RAD17: variants seen among roughly 807,000 people sequenced by gnomAD.
RAD17 encodes cell cycle checkpoint protein RAD17.
RAD17 carries 31 observed loss-of-function variants against 81.5 expected under a neutral mutation model. That is an observed-to-expected ratio of 0.38 (90% CI 0.29 to 0.51). The LOEUF (loss-of-function observed/expected upper bound fraction) is 0.51. Among genes scored for constraint, RAD17 ranks in the 20% least tolerant of loss-of-function variants. The probability of loss-of-function intolerance (pLI) is 0.88; values close to 1 mark genes in which losing one functional copy is unlikely to be tolerated. For missense variants in RAD17, 681 were observed against 781.2 expected (o/e 0.87, Z 1.53); for synonymous variants, 261 against 266.2 (o/e 0.98, Z 0.19).
chr5:69,375,248 A>T (rs1022080144), intron 6 of RAD17, among the ~76,000 whole-genome samples: 52 of 152,210 alleles, frequency 3.4e-4, no homozygotes, highest in African/African-American at 1.2e-3. Context: ...TCTTATTGTT[A>T]GCATAAAGAA....
At position 69,371,085 on chromosome 5, in the gene RAD17, C is replaced by T. The variant is rs11542278; in HGVS notation, c.-366C>T. The T allele has an allele frequency of 0.029, 12,374 of 426,302 alleles. 238 individuals carry two copies. The highest frequency in any genetic ancestry group is 0.035 in the Admixed American group (1,216 of 34,640). The allele number at this position is 426,302 out of a possible 1,614,324, so 26.4% of individuals were successfully genotyped here. A position where few individuals can be genotyped will look rare whatever the true frequency, so the allele number is the denominator to read the frequency against. On this transcript the variant is annotated 5_prime_UTR_variant, in exon 2 of 19. Transcript: ENST00000354868. ...TTTTGGGAAATACTGGAAATGAAGA[C>T]CTGCAACTGTAATTTGAAATAAGGA...
intron 7 of RAD17, among the ~76,000 whole-genome samples, chr5:69,383,766 C>T (rs10036674): frequency 0.5 from 75,389 of 151,894 alleles, 18,758 homozygotes; most frequent in South Asian, 0.54. Flanking sequence ...TTCTCACGAC[C>T]CAACCTCTGG....
chr5:69,402,072 A>ATTTTTTTT, intron 17 of RAD17, among the ~76,000 whole-genome samples: 1 of 131,528 alleles, frequency 7.6e-6, no homozygotes. Context: ...TTTGAGATGG[A>ATTTTTTTT]GTTTCACTCT....
rs868390145 is a variant in RAD17 at position 69,371,448 on chromosome 5, C to T, written c.-279-6C>T. 15 of 461,780 alleles carry T rather than the reference C, an allele frequency of 3.2e-5. No individual in the cohort carries two copies. Among genetic ancestry groups the T allele is most frequent in the Non-Finnish European group, 4.3e-5 (12 of 278,352 alleles). The allele number at this position is 461,780 out of a possible 1,614,324, so 28.6% of individuals were successfully genotyped here. ...TTTGAGGGCTTCTTCCCCCCCCCCC[C>T]CCCAGGTGAATTATAGTTTAATGTA... On this transcript the variant is annotated splice_polypyrimidine_tract_variant and splice_region_variant and intron_variant, in intron 2 of 18. Coordinates refer to ENST00000354868, the MANE Select transcript of RAD17 (RefSeq NM_133338.3).
chr5:69,414,158 C>T lies in RAD17; in HGVS notation c.1879C>T (p.Pro627Ser). 6.2e-7 allele frequency: 1 copy of T among 1,614,226 alleles called. No individual in the cohort carries two copies. The highest frequency in any genetic ancestry group is 8.5e-7 in the Non-Finnish European group (1 of 1,180,048). The change falls in exon 19 of 19, where the codon CCG (proline) becomes TCG (serine). Residue 627 changes from proline (P) to serine (S), a missense_variant. Pro to Ser is a moderately conservative substitution (Grantham distance 74). Coordinates refer to ENST00000354868, the MANE Select transcript of RAD17 (RefSeq NM_133338.3). The part of the protein sequence containing the change: ...SLGEPTQATV[P>S]ETWSLPLSQN... The stretch of plus-strand genomic sequence containing the variant: ...GGGTGAACCCACTCAAGCCACTGTG[C>T]CGGAAACCTGGTCTCTTCCTTTGAG...
chr5:69,372,175 A>T lies in RAD17; in HGVS notation c.-34A>T. The T allele has an allele frequency of 6.2e-7, 1 of 1,607,094 alleles. No individual in the cohort carries two copies. Among genetic ancestry groups the T allele is most frequent in the Admixed American group, 1.7e-5 (1 of 59,594 alleles). On this transcript the variant is annotated 5_prime_UTR_variant, in exon 4 of 19. Transcript: ENST00000354868. The stretch of plus-strand genomic sequence containing the variant: ...AATATAGAGGAAAGGGGCCAAGATT[A>T]TAGTACCAGTCACAATCTTTTGATG...
At chr5:69,402,934 ATTAAC>A (rs1054509808) in intron 17 of RAD17, among the ~76,000 whole-genome samples, 9 of 37,760 alleles carry the variant, frequency 2.4e-4, no homozygotes, top group African/African-American at 3.5e-4. Flanking sequence ...AAATCAGGAA[ATTAAC>A]TTAATACCGT....
chr5:69,374,348 A>G (rs1763207254), intron 5 of RAD17, among the ~76,000 whole-genome samples: 1 of 152,192 alleles, frequency 6.6e-6, no homozygotes, highest in South Asian at 2.1e-4. Context: ...ACTAAATGTA[A>G]TACTCCTCTC....
chr5:69,377,364 T>G (rs535502003), intron 6 of RAD17, among the ~76,000 whole-genome samples: 2 of 146,944 alleles, frequency 1.4e-5, no homozygotes, highest in Non-Finnish European at 3.0e-5. Context: ...TGTCACATCA[T>G]AAACCTACAT....
In RAD17 at chr5:69,372,174, T is replaced by C. The variant is rs1364961172; in HGVS notation, c.-35T>C. On this transcript the variant is annotated 5_prime_UTR_variant, in exon 4 of 19. Coordinates refer to ENST00000354868, the MANE Select transcript of RAD17 (RefSeq NM_133338.3). ...AAATATAGAGGAAAGGGGCCAAGAT[T>C]ATAGTACCAGTCACAATCTTTTGAT... 1.2e-6 allele frequency: 2 copies of C among 1,607,132 alleles called. No individual in the cohort carries two copies. The highest frequency in any genetic ancestry group is 1.1e-5 in the South Asian group (1 of 90,238).
Position 69,389,121 on chromosome 5 carries a change from AGC to A in RAD17, c.983_984del (p.Ser328ThrfsTer37). 6.3e-7 allele frequency: 1 copy of A among 1,585,794 alleles called. No individual in the cohort carries two copies. Among genetic ancestry groups the A allele is most frequent in the South Asian group, 1.2e-5 (1 of 86,230 alleles). ...CSGDIRSAIN[S>X]LQFSSSKGEN... ...TGGTGATATCAGAAGTGCAATAAAC[AGC>A]CTCCAGTTTTCTTCTTCAAAAGGTA... On this transcript the variant is annotated frameshift_variant, in exon 12 of 19. Transcript: ENST00000354868. LOFTEE classifies it high-confidence loss of function.
Position 69,395,844 on chromosome 5 carries a change from A to G in RAD17, c.1423-553A>G, listed in dbSNP as rs184854659. ...TTGGAAAGTATTAGTAATTGCGAACATCGTGACACTTAAGCAGCATAAGGA... is the reference window on the plus strand; with the variant it reads ...TTGGAAAGTATTAGTAATTGCGAACGTCGTGACACTTAAGCAGCATAAGGA... On this transcript the variant is annotated intron_variant, in intron 15 of 18. Transcript: ENST00000354868. Among the ~76,000 whole-genome samples the G allele has an allele frequency of 1.6e-3, 238 of 152,362 alleles. 1 individual carries two copies. Among genetic ancestry groups the G allele is most frequent in the African/African-American group, 5.6e-3 (231 of 41,582 alleles).
intron 17 of RAD17, among the ~76,000 whole-genome samples, chr5:69,402,755 A>G (rs937006415): frequency 5.9e-5 from 9 of 152,106 alleles, no homozygotes; most frequent in Non-Finnish European, 1.0e-4. Context: ...ATTTTTTACC[A>G]TATTTGCCTG....
chr5:69,371,567 A>C lies in RAD17; in HGVS notation c.-176+10A>C, dbSNP rs758165800. 1.4e-6 allele frequency: 2 copies of C among 1,394,466 alleles called. No homozygotes were observed. Among genetic ancestry groups the C allele is most frequent in the Non-Finnish European group, 1.9e-6 (2 of 1,050,144 alleles). 86.4% of individuals were successfully genotyped at this position (1,394,466 alleles called of 1,614,324 possible). ...GGTATCTTCCACAAAGGTATGATAC[A>C]CTGGAATGGCCATGTAATAATTGCC... On this transcript the variant is annotated intron_variant, in intron 3 of 18. Transcript: ENST00000354868.
chr5:69,399,208 T>TCTA (rs1765096906), intron 16 of RAD17, among the ~76,000 whole-genome samples: 1 of 152,098 alleles, frequency 6.6e-6, no homozygotes, highest in African/African-American at 2.4e-5. Context: ...TGAACAATGA[T>TCTA]TGTGCCACTG....
At chr5:69,399,317 G>T (rs968085315) in intron 16 of RAD17, among the ~76,000 whole-genome samples, 1 of 152,046 alleles carries the variant, frequency 6.6e-6, no homozygotes, top group African/African-American at 2.4e-5. Flanking sequence ...CAATCACCTC[G>T]CCATGTAGCA....
intron 18 of RAD17, 140 bp from the exon 19 acceptor site, chr5:69,413,891 T>A: frequency 9.6e-7 from 1 of 1,036,750 alleles, no homozygotes; most frequent in Non-Finnish European, 1.4e-6. Flanking sequence ...CCTTGTAGTT[T>A]TGTTTTTATA....
chr5:69,369,868 C>T lies in RAD17; in HGVS notation c.-482C>T, dbSNP rs1480698557. On this transcript the variant is annotated 5_prime_UTR_variant, in exon 1 of 19. Transcript: ENST00000354868. ...GCCCGGGTAGGGCCAGGTGGCTGCCCTTTCACCTAGGGTAGTCCCTGGTCG... is the reference window on the plus strand; with the variant it reads ...GCCCGGGTAGGGCCAGGTGGCTGCCTTTTCACCTAGGGTAGTCCCTGGTCG... The T allele has an allele frequency of 1.2e-5, 8 of 674,722 alleles. No homozygotes were observed. Among genetic ancestry groups the T allele is most frequent in the Admixed American group, 2.9e-5 (1 of 34,340 alleles). 41.8% of individuals were successfully genotyped at this position (674,722 alleles called of 1,614,324 possible).
At chr5:69,391,351 T>C (rs1561256512) in intron 12 of RAD17, among the ~76,000 whole-genome samples, 1 of 152,170 alleles carries the variant, frequency 6.6e-6, no homozygotes, top group Admixed American at 6.5e-5. Context: ...GATGTGACTG[T>C]ACAGGTTGAA....
Sources: gnomAD v4.1 joint callset for allele counts (sites outside exome capture counted in the v4.1 genomes callset) on GRCh38, gnomAD v4.1.1 for gene constraint, MANE v1.5 for transcripts, NCBI Gene and HGNC (gene_info 2026-07-23, HGNC 2026-07-21) for gene names.